The following FAM193A variants were observed in gnomAD, a reference collection of about 807,000 sequenced individuals.
The protein encoded by FAM193A is protein FAM193A.
In FAM193A, 22 loss-of-function variants were observed where a neutral mutation model predicts 126.5. The ratio of observed to expected loss-of-function variants is 0.17; its 90% CI spans 0.12 to 0.25. The LOEUF (loss-of-function observed/expected upper bound fraction) is 0.25, where lower values mean the gene tolerates loss of function less well. Among genes scored for constraint, FAM193A ranks in the 10% least tolerant of loss-of-function variants. The pLI is 1.00. For missense variants in FAM193A, 1,675 were observed against 1,672.8 expected, an observed-to-expected ratio of 1.00 and a Z score of -0.02; for synonymous variants, 761 against 646.8, an observed-to-expected ratio of 1.18 and a Z score of -2.68.
intron 13 of FAM193A, among the ~76,000 whole-genome samples, chr4:2,688,221 A>C (rs1715966239): frequency 6.6e-6 from 1 of 152,104 alleles, no homozygotes; most frequent in South Asian, 2.1e-4. Flanking sequence ...TAATTTGGGG[A>C]AAGGCAGACA....
intron 5 of FAM193A, among the ~76,000 whole-genome samples, chr4:2,631,750 C>G (rs191951258): frequency 2.6e-4 from 39 of 152,252 alleles, no homozygotes; most frequent in African/African-American, 8.7e-4. Context: ...AAGAGACACA[C>G]AGATGGGTCC....
At chr4:2,715,944 G>T (rs1719488150) in intron 19 of FAM193A, 79 bp from the exon 20 acceptor site, 2 of 863,270 alleles carry the variant, frequency 2.3e-6, no homozygotes, top group African/African-American at 1.7e-5. Context: ...TAAATTGAGC[G>T]AAGACAAATG....
chr4:2,691,971 T>C (rs1011180880), intron 15 of FAM193A, among the ~76,000 whole-genome samples: 1 of 152,066 alleles, frequency 6.6e-6, no homozygotes, highest in Non-Finnish European at 1.5e-5. Flanking sequence ...TAACAGCTGG[T>C]GCAAGTATGC....
At position 2,618,962 on chromosome 4, in the gene FAM193A, C is replaced by T. The variant is rs531354303; in HGVS notation, c.502-6300C>T. On this transcript the variant is annotated intron_variant, in intron 2 of 20. Transcript: ENST00000637812. ...GGTCAGACTGGTCTCGAACTCCTGA[C>T]CTCAGGTGATCCACCTGCCTTGGCC... 7.2e-5 allele frequency among the ~76,000 whole-genome samples: 11 copies of T among 152,206 alleles called. 1 individual carries two copies. The East Asian group carries it at 2.1e-3, about 29-fold the overall frequency.
rs199951330 is a variant in FAM193A at position 2,629,948 on chromosome 4, T to C, written c.804-987T>C. On this transcript the variant is annotated intron_variant, in intron 4 of 20. Transcript: ENST00000637812. ...GAGATCGGGACCATCCTGGCTAACA[T>C]GGTGAAACCCCGTCTCTACTAAAAA... Among the ~76,000 whole-genome samples, 289 of 152,140 alleles carry C rather than the reference T, an allele frequency of 1.9e-3. 1 individual carries two copies. The highest frequency in any genetic ancestry group is 2.4e-3 in the Non-Finnish European group (160 of 67,984).
At chr4:2,608,858 C>T (rs73791841) in intron 2 of FAM193A, among the ~76,000 whole-genome samples, 10,561 of 151,026 alleles carry the variant, frequency 0.07, 665 homozygotes, top group African/African-American at 0.16. Context: ...ATCGATCTCT[C>T]TCTTTAAAAT....
chr4:2,601,065 C>G (rs887745877), intron 2 of FAM193A, among the ~76,000 whole-genome samples: 1 of 151,984 alleles, frequency 6.6e-6, no homozygotes, highest in Non-Finnish European at 1.5e-5. Context: ...GGCTGTTGTG[C>G]GGTATGATAG....
chr4:2,695,190 C>A, intron 17 of FAM193A, 61 bp downstream of exon 17: 1 of 1,420,778 alleles, frequency 7.0e-7, no homozygotes, highest in Non-Finnish European at 9.3e-7. Flanking sequence ...GGCTCCTTTG[C>A]AGAAATTCTG....
rs938239605 is a variant in FAM193A at position 2,552,847 on chromosome 4, C to T, written c.255+15677C>T. 5.1e-3 allele frequency among the ~76,000 whole-genome samples: 602 copies of T among 119,094 alleles called. 6 individuals carry two copies. The highest frequency in any genetic ancestry group is 0.016 in the African/African-American group (498 of 30,448). The allele number at this position is 119,094 out of a possible 152,430, so 78.1% of individuals were successfully genotyped here. On this transcript the variant is annotated intron_variant, in intron 1 of 20. Transcript: ENST00000637812. ...CCACCGCGCCCGGCCACAGAACTTT[C>T]TTTTTTTTTTTTTTTTTTTTGAGAC... is the stretch of plus-strand genomic sequence containing the variant.
At chr4:2,586,457 A>G (rs1215777994) in intron 1 of FAM193A, among the ~76,000 whole-genome samples, 1 of 151,546 alleles carries the variant, frequency 6.6e-6, no homozygotes, top group Non-Finnish European at 1.5e-5. Flanking sequence ...TTGGGTATCT[A>G]GTTGTTCTGT....
At chr4:2,721,029 G>A (rs1283322175) in intron 20 of FAM193A, among the ~76,000 whole-genome samples, 1 of 152,002 alleles carries the variant, frequency 6.6e-6, no homozygotes, top group Non-Finnish European at 1.5e-5. Flanking sequence ...TTAGCCAGGC[G>A]TGGGCCGGGC....
chr4:2,661,737 T>A (rs1179166909), intron 10 of FAM193A, among the ~76,000 whole-genome samples: 2 of 152,126 alleles, frequency 1.3e-5, no homozygotes, highest in African/African-American at 4.8e-5. Flanking sequence ...CTTCTGGAGG[T>A]TGCTGTGTGC....
chr4:2,721,046 G>A (rs1296361388), intron 20 of FAM193A, among the ~76,000 whole-genome samples: 3 of 151,960 alleles, frequency 2.0e-5, no homozygotes, highest in Admixed American at 1.3e-4. Flanking sequence ...GGGCGCGGTG[G>A]TTCATGCCTG....
chr4:2,624,269 C>T (rs374089818), intron 2 of FAM193A, among the ~76,000 whole-genome samples: 8 of 152,170 alleles, frequency 5.3e-5, no homozygotes, highest in East Asian at 1.9e-4. Flanking sequence ...CTCAGCCTCC[C>T]GAGTAGTTGA....
At chr4:2,593,654 A>T (rs1029070063) in intron 1 of FAM193A, among the ~76,000 whole-genome samples, 1 of 152,080 alleles carries the variant, frequency 6.6e-6, no homozygotes, top group Non-Finnish European at 1.5e-5. Context: ...AATGTACAGG[A>T]GCTGAGCTGT....
chr4:2,550,025 C>CTTTTTTT (rs35806343), intron 1 of FAM193A, among the ~76,000 whole-genome samples: 1 of 132,176 alleles, frequency 7.6e-6, no homozygotes, highest in Admixed American at 7.9e-5. Context: ...CCGCACCTGG[C>CTTTTTTT]TTTTTTTTTT....
intron 20 of FAM193A, among the ~76,000 whole-genome samples, chr4:2,728,238 ATTTTTT>A (rs58609064): frequency 9.7e-5 from 8 of 82,062 alleles, no homozygotes; most frequent in East Asian, 6.6e-4. Flanking sequence ...ACCCGGCCCA[ATTTTTT>A]TTTTTTTTTT....
At chr4:2,606,346 G>A (rs1027394728) in intron 2 of FAM193A, among the ~76,000 whole-genome samples, 6 of 152,082 alleles carry the variant, frequency 3.9e-5, no homozygotes, top group Admixed American at 2.6e-4. Flanking sequence ...CACCGCATCC[G>A]GCCTAACAAA....
chr4:2,672,299 A>G lies in FAM193A; in HGVS notation c.2258A>G (p.His753Arg). 1 of 1,614,134 alleles carries G rather than the reference A, an allele frequency of 6.2e-7. No individual in the cohort carries two copies. Among genetic ancestry groups the G allele is most frequent in the South Asian group, 1.1e-5 (1 of 91,076 alleles). The change falls in exon 13 of 21, where the codon CAC (histidine) becomes CGC (arginine). Residue 753 changes from histidine (H) to arginine (R), a missense_variant. By Grantham distance (29) the His-to-Arg change is conservative. Around this residue, in one of 4 missense-constraint regions of FAM193A, gnomAD observed 1,186 missense variants for 1,109.2 expected, o/e 1.07. Transcript: ENST00000637812. ...CACATCCATGGACATGTGCCTTTGC[A>G]CACTGTTCCACACCTGCCACGCCCT... ...YPHIHGHVPL[H>R]TVPHLPRPLI... is the part of the protein sequence containing the mutation.
Sources: allele counts gnomAD v4.1 joint callset (sites outside exome capture counted in the v4.1 genomes callset), GRCh38; gene constraint gnomAD v4.1.1; regional missense constraint gnomAD v4.1.1; transcripts MANE v1.5; gene names NCBI Gene and HGNC (gene_info 2026-07-23, HGNC 2026-07-21).